HNF4G: variants seen among roughly 807,000 people sequenced by gnomAD.
HNF4G encodes hepatocyte nuclear factor 4-gamma.
HNF4G carries 21 observed loss-of-function variants against 50.9 expected under a neutral mutation model. That is an observed-to-expected ratio of 0.41 (90% CI 0.29 to 0.59). HNF4G has a LOEUF of 0.59. Among genes scored for constraint, HNF4G ranks in the 20% least tolerant of loss-of-function variants. The pLI, the probability that HNF4G is intolerant of heterozygous loss-of-function variation, is 0.26. For missense variants in HNF4G, 527 were observed against 559.4 expected (o/e 0.94, Z 0.58); for synonymous variants, 198 against 185.6 (o/e 1.07, Z -0.54).
chr8:75,414,379 G>A (rs1050203402), intron 1 of HNF4G, among the ~76,000 whole-genome samples: 3 of 151,894 alleles, frequency 2.0e-5, no homozygotes, highest in African/African-American at 7.3e-5. Context: ...TTGGATTTAT[G>A]AGGTGTTATT....
At chr8:75,478,871 G>T (rs555288019) in intron 1 of HNF4G, among the ~76,000 whole-genome samples, 1 of 152,178 alleles carries the variant, frequency 6.6e-6, no homozygotes, top group Non-Finnish European at 1.5e-5. Context: ...TTGCAGGCAC[G>T]TGCCACCACG....
intron 4 of HNF4G, among the ~76,000 whole-genome samples, chr8:75,551,713 A>G (rs534028761): frequency 7.9e-5 from 12 of 152,342 alleles, no homozygotes; most frequent in African/African-American, 2.9e-4. Flanking sequence ...AAATAAAACA[A>G]ATTTCAGTCT....
chr8:75,447,500 A>G (rs1384796289), intron 1 of HNF4G, among the ~76,000 whole-genome samples: 2 of 144,678 alleles, frequency 1.4e-5, no homozygotes, highest in Non-Finnish European at 3.0e-5. Context: ...CAGGCAACCT[A>G]CAACATGGGA....
intron 2 of HNF4G, among the ~76,000 whole-genome samples, chr8:75,497,764 A>T (rs1812814687): frequency 6.6e-6 from 1 of 151,884 alleles, no homozygotes; most frequent in Non-Finnish European, 1.5e-5. Flanking sequence ...GATTCCTAGA[A>T]TTTTTTTTAA....
intron 1 of HNF4G, among the ~76,000 whole-genome samples, chr8:75,472,387 T>G (rs1241118169): frequency 6.6e-6 from 1 of 152,200 alleles, no homozygotes; most frequent in Non-Finnish European, 1.5e-5. Flanking sequence ...CATTGAATCC[T>G]GTAAACTTTG....
At chr8:75,450,305 C>T (rs1563511852) in intron 1 of HNF4G, among the ~76,000 whole-genome samples, 2 of 152,164 alleles carry the variant, frequency 1.3e-5, no homozygotes, top group African/African-American at 2.4e-5. Context: ...AATAGTGCTG[C>T]AATGAATATG....
In HNF4G at chr8:75,511,103, CATTATA is replaced by C. The variant is rs2130725589; in HGVS notation, c.-24+20901_-24+20906del. 1.3e-5 allele frequency among the ~76,000 whole-genome samples: 2 copies of C among 152,054 alleles called. 1 individual carries two copies. Among genetic ancestry groups the C allele is most frequent in the South Asian group, 4.1e-4 (2 of 4,826 alleles). On this transcript the variant is annotated intron_variant, in intron 2 of 10. Coordinates refer to the HNF4G transcript ENST00000354370. ...GTTCTGAGACAATAAATATATTTGA[CATTATA>C]ATTATTATTATATTCTAAAAGCCTT...
Position 75,531,139 on chromosome 8 carries a change from C to T in HNF4G, c.-23-12672C>T, listed in dbSNP as rs187127748. On this transcript the variant is annotated intron_variant, in intron 2 of 10. Transcript: ENST00000354370. ...AACTTAGTTAATCGTTACAAGAACC[C>T]TTTGAGATAGAAATTCTAGAGAAAT... Among the ~76,000 whole-genome samples, 24 of 151,940 alleles carry T rather than the reference C, an allele frequency of 1.6e-4. No individual in the cohort carries two copies. The East Asian group carries it at 1.9e-3, about 12-fold the overall frequency.
chr8:75,547,317 T>A (rs1806809664), intron 2 of HNF4G, among the ~76,000 whole-genome samples: 1 of 152,238 alleles, frequency 6.6e-6, no homozygotes, highest in Admixed American at 6.5e-5. Flanking sequence ...GGTTTGGCTT[T>A]CATGACTCAT....
intron 1 of HNF4G, among the ~76,000 whole-genome samples, chr8:75,485,167 G>A (rs904859890): frequency 2.6e-5 from 4 of 152,098 alleles, no homozygotes; most frequent in Admixed American, 6.5e-5. Context: ...GGAAATGGTG[G>A]TAGAATTGCA....
chr8:75,416,316 C>T (rs1422793608), intron 1 of HNF4G, among the ~76,000 whole-genome samples: 2 of 152,176 alleles, frequency 1.3e-5, no homozygotes, highest in East Asian at 1.9e-4. Context: ...AGATCAACTT[C>T]GGAAACATGA....
At chr8:75,466,128 G>T (rs1811964717) in intron 1 of HNF4G, among the ~76,000 whole-genome samples, 1 of 152,046 alleles carries the variant, frequency 6.6e-6, no homozygotes, top group Non-Finnish European at 1.5e-5. Flanking sequence ...ACTCCAAAAT[G>T]CAAATATGTT....
chr8:75,416,616 T>G (rs2130475934), intron 1 of HNF4G, among the ~76,000 whole-genome samples: 1 of 152,320 alleles, frequency 6.6e-6, no homozygotes, highest in Non-Finnish European at 1.5e-5. Flanking sequence ...CTCATACACA[T>G]TACTGTATGT....
At chr8:75,461,294 A>G (rs1244470465) in intron 1 of HNF4G, among the ~76,000 whole-genome samples, 2 of 152,110 alleles carry the variant, frequency 1.3e-5, no homozygotes, top group African/African-American at 2.4e-5. Flanking sequence ...TTTAGCTTCC[A>G]GGGTCTTCCT....
chr8:75,411,436 C>T (rs1810498936), intron 1 of HNF4G, among the ~76,000 whole-genome samples: 1 of 152,192 alleles, frequency 6.6e-6, no homozygotes, highest in Non-Finnish European at 1.5e-5. Flanking sequence ...TAACTCAATA[C>T]TATTTACCTA....
chr8:75,413,306 C>A lies in HNF4G; in HGVS notation c.-144+5144C>A, dbSNP rs1192247888. On this transcript the variant is annotated intron_variant, in intron 1 of 10. Transcript: ENST00000354370. ...GAGAGGAGAGGAGGACAGGAGAGGACAAGGGAGGGAAGGGGAGGGGAAGGG... is the reference window on the plus strand; with the variant it reads ...GAGAGGAGAGGAGGACAGGAGAGGAAAAGGGAGGGAAGGGGAGGGGAAGGG... 6.1e-5 allele frequency among the ~76,000 whole-genome samples: 4 copies of A among 66,092 alleles called. No individual in the cohort carries two copies. The Admixed American group carries it at 9.0e-4, about 15-fold the overall frequency. 43.4% of individuals were successfully genotyped at this position (66,092 alleles called of 152,430 possible).
chr8:75,510,133 A>T (rs1805711811), intron 2 of HNF4G, among the ~76,000 whole-genome samples: 1 of 152,108 alleles, frequency 6.6e-6, no homozygotes, highest in Non-Finnish European at 1.5e-5. Context: ...GTGTAGGCCT[A>T]GACTAAGGTG....
intron 1 of HNF4G, among the ~76,000 whole-genome samples, chr8:75,438,628 A>G (rs2130539712): frequency 6.7e-6 from 1 of 148,650 alleles, no homozygotes; most frequent in East Asian, 2.0e-4. Context: ...CATGCATTTT[A>G]CCTTGCTTGC....
chr8:75,526,690 A>G (rs556058196), intron 2 of HNF4G, among the ~76,000 whole-genome samples: 15 of 150,750 alleles, frequency 1.0e-4, no homozygotes, highest in African/African-American at 3.2e-4. Context: ...ATGCCACCAC[A>G]CAAGACTAAT....
Sources: allele counts gnomAD v4.1 joint callset (sites outside exome capture counted in the v4.1 genomes callset), GRCh38; gene constraint gnomAD v4.1.1; transcripts MANE v1.5; gene names NCBI Gene and HGNC (gene_info 2026-07-23, HGNC 2026-07-21).